Variants in TRIM33 observed in about 807,000 individuals in gnomAD.
TRIM33 encodes the protein E3 ubiquitin-protein ligase TRIM33.
TRIM33 carries 20 observed loss-of-function variants against 125.4 expected under a neutral mutation model. The ratio of observed to expected loss-of-function variants is 0.16; its 90% confidence interval spans 0.11 to 0.23. The LOEUF is 0.23. TRIM33 is among the 10% of genes least tolerant of loss of function. The pLI is 1.00. For missense variants in TRIM33, 920 were observed against 1,411.4 expected (o/e 0.65, Z 5.58); for synonymous variants, 564 against 513.9 (o/e 1.10, Z -1.32).
At chr1:114,430,392 A>C (rs1398212166) in intron 6 of TRIM33, among the ~76,000 whole-genome samples, 1 of 152,010 alleles carries the variant, frequency 6.6e-6, no homozygotes, top group East Asian at 1.9e-4. Flanking sequence ...CTACTGGTGC[A>C]TGCCACCACC....
chr1:114,426,158 G>A (rs1295020373), intron 8 of TRIM33, among the ~76,000 whole-genome samples: 1 of 152,154 alleles, frequency 6.6e-6, no homozygotes, highest in Non-Finnish European at 1.5e-5. Flanking sequence ...ATCGTCTTCT[G>A]TGGAAATACT....
At chr1:114,419,310 C>T (rs1451001623) in intron 11 of TRIM33, among the ~76,000 whole-genome samples, 1 of 152,068 alleles carries the variant, frequency 6.6e-6, no homozygotes, top group East Asian at 1.9e-4. Context: ...ACTCCACCTC[C>T]TGCGTGGCGT....
chr1:114,473,800 A>G (rs1256831073), intron 1 of TRIM33, among the ~76,000 whole-genome samples: 1 of 152,222 alleles, frequency 6.6e-6, no homozygotes, highest in African/African-American at 2.4e-5. Context: ...AAAGCAATCA[A>G]CGTAGATCTA....
chr1:114,405,370 T>C (rs1652171291), intron 15 of TRIM33, 40 bp downstream of exon 15: 6 of 1,478,714 alleles, frequency 4.1e-6, no homozygotes, highest in Non-Finnish European at 5.5e-6. Context: ...ATTTTTAGCT[T>C]ATGAAAATCA....
intron 10 of TRIM33, 22 bp from the exon 11 acceptor site, chr1:114,421,658 T>A: frequency 1.9e-6 from 3 of 1,610,652 alleles, no homozygotes; most frequent in Non-Finnish European, 1.7e-6. Context: ...GAAGACATTA[T>A]CATTACTTGA....
At chr1:114,486,732 C>T (rs1394150646) in intron 1 of TRIM33, among the ~76,000 whole-genome samples, 1 of 151,968 alleles carries the variant, frequency 6.6e-6, no homozygotes, top group Admixed American at 6.6e-5. Flanking sequence ...AACTAGCTAG[C>T]TAGCATTGCT....
intron 16 of TRIM33, 106 bp downstream of exon 16, chr1:114,402,654 T>C: frequency 7.6e-7 from 1 of 1,309,032 alleles, no homozygotes; most frequent in Non-Finnish European, 1.0e-6. Context: ...GGATTAAAAA[T>C]TAAATGTTAT....
At chr1:114,398,964 T>C in intron 18 of TRIM33, among the ~76,000 whole-genome samples, 1 of 111,000 alleles carries the variant, frequency 9.0e-6, no homozygotes, top group South Asian at 3.1e-4. Flanking sequence ...CCAAAAAACA[T>C]AACCAAAATT....
intron 1 of TRIM33, among the ~76,000 whole-genome samples, chr1:114,504,642 C>T (rs537122125): frequency 6.6e-6 from 1 of 152,196 alleles, no homozygotes; most frequent in Non-Finnish European, 1.5e-5. Context: ...GTGGCCCACA[C>T]TTTGAGAATC....
At chr1:114,439,468 CAAAAAAAAAAAAAAAAA>C (rs59231995) in intron 4 of TRIM33, among the ~76,000 whole-genome samples, 1 of 45,964 alleles carries the variant, frequency 2.2e-5, no homozygotes, top group Non-Finnish European at 3.8e-5. Context: ...GACTCTGTAT[CAAAAAAAAAAAAAAAAA>C]AAAAAAAAAA....
Position 114,405,745 on chromosome 1 carries a change from C to T in TRIM33, c.2433G>A (p.Glu811=). Residue 811 remains glutamate (E), a synonymous_variant, in exon 15 of 20, where the codon GAG becomes GAA. Coordinates refer to ENST00000358465, the MANE Select transcript of TRIM33 (RefSeq NM_015906.4). ...TTGAGAGAGGTGGTGTCAAGCTACT[C>T]TCAGGACTGCTCAACTAAAACAAAA... ...RRSACMLSSP[E]SSLTPPLSTN... 6.2e-7 allele frequency: 1 copy of T among 1,604,996 alleles called. No individual in the cohort carries two copies. The highest frequency in any genetic ancestry group is 1.7e-5 in the Admixed American group (1 of 58,196).
chr1:114,434,722 TACTAACAAATAGTC>T (rs1648171677), intron 4 of TRIM33, among the ~76,000 whole-genome samples: 1 of 152,228 alleles, frequency 6.6e-6, no homozygotes, highest in Non-Finnish European at 1.5e-5. Flanking sequence ...TTGTTTGTAC[TACTAACAAATAGTC>T]ACAAATACAA....
chr1:114,448,701 G>C (rs1649139024), intron 4 of TRIM33, among the ~76,000 whole-genome samples: 1 of 152,126 alleles, frequency 6.6e-6, no homozygotes, highest in Non-Finnish European at 1.5e-5. Context: ...GATCACAAAG[G>C]GATGAGGTAA....
chr1:114,452,234 G>T (rs763620392), intron 4 of TRIM33, among the ~76,000 whole-genome samples: 1 of 152,110 alleles, frequency 6.6e-6, no homozygotes, highest in Non-Finnish European at 1.5e-5. Context: ...AGCACTGGTG[G>T]GCGGATCACG....
intron 11 of TRIM33, among the ~76,000 whole-genome samples, chr1:114,411,216 T>G (rs192045477): frequency 4.8e-5 from 7 of 146,850 alleles, no homozygotes; most frequent in Admixed American, 6.8e-5. Context: ...AATTTTTGTG[T>G]TTTTTTTTTA....
At chr1:114,487,869 A>G (rs889095815) in intron 1 of TRIM33, among the ~76,000 whole-genome samples, 20 of 134,746 alleles carry the variant, frequency 1.5e-4, no homozygotes, top group African/African-American at 5.7e-4. Context: ...TGCAGTCCGC[A>G]GTCCGGCCTG....
chr1:114,471,440 T>C (rs1650643737), intron 1 of TRIM33, among the ~76,000 whole-genome samples: 1 of 140,800 alleles, frequency 7.1e-6, no homozygotes, highest in Non-Finnish European at 1.6e-5. Context: ...CAAGATTCTG[T>C]CTCAAAAAAA....
At chr1:114,434,712 T>C (rs958181584) in intron 4 of TRIM33, among the ~76,000 whole-genome samples, 2 of 152,232 alleles carry the variant, frequency 1.3e-5, no homozygotes, top group South Asian at 2.1e-4. Context: ...GAATCCATTA[T>C]TGTTTGTACT....
At chr1:114,506,931 A>C (rs1653039058) in intron 1 of TRIM33, among the ~76,000 whole-genome samples, 1 of 152,206 alleles carries the variant, frequency 6.6e-6, no homozygotes, top group African/African-American at 2.4e-5. Flanking sequence ...GTCATCACCA[A>C]ATCAACTAAA....
Sources: gnomAD v4.1 joint callset for allele counts (sites outside exome capture counted in the v4.1 genomes callset) on GRCh38, gnomAD v4.1.1 for gene constraint, MANE v1.5 for transcripts, NCBI Gene and HGNC (gene_info 2026-07-23, HGNC 2026-07-21) for gene names.